Variants in TYMS observed in about 807,000 individuals in gnomAD.
The protein encoded by TYMS is thymidylate synthetase, also known as thymidylate synthase.
A neutral mutation model predicts 39.3 loss-of-function variants in TYMS; 21 were observed. The observed-to-expected ratio is 0.54, with a 90% CI of 0.38 to 0.77. The LOEUF (loss-of-function observed/expected upper bound fraction) is 0.77, where lower values mean the gene tolerates loss of function less well. Ranked by LOEUF, TYMS falls within the 30% of genes least tolerant of loss-of-function variation. The probability of loss-of-function intolerance (pLI) is 0.00; values close to 1 mark genes in which losing one functional copy is unlikely to be tolerated. For missense variants in TYMS, 273 were observed against 406.7 expected (o/e 0.67, Z 2.83); for synonymous variants, 171 against 162.2 (o/e 1.05, Z -0.41).
chr18:670,032 G>GT (rs571782624), intron 4 of TYMS, among the ~76,000 whole-genome samples: 353 of 140,416 alleles, frequency 2.5e-3, no homozygotes, highest in African/African-American at 9.5e-3. Context: ...ACTTGCATCT[G>GT]TAATAGAGAC....
chr18:657,726 C>T lies in TYMS; in HGVS notation c.-17C>T, dbSNP rs1382280915. 2.0e-5 allele frequency: 27 copies of T among 1,334,440 alleles called. No individual in the cohort carries two copies. The highest frequency in any genetic ancestry group is 2.5e-5 in the Non-Finnish European group (26 of 1,050,124). The allele number at this position is 1,334,440 out of a possible 1,614,324, so 82.7% of individuals were successfully genotyped here. A position where few individuals can be genotyped will look rare whatever the true frequency, so the allele number is the denominator to read the frequency against. On this transcript the variant is annotated 5_prime_UTR_variant, in exon 1 of 7. Transcript: ENST00000323274. ...GCCGCGCCACTTCGCCTGCCTCCGT[C>T]CCCCGCCCGCCGCGCCATGCCTGTG...
intron 6 of TYMS, chr18:672,615 A>C (rs1049992462): frequency 3.0e-5 from 10 of 336,516 alleles, no homozygotes; most frequent in Non-Finnish European, 4.9e-5. Flanking sequence ...CTTACACCTG[A>C]TGAGGCACCA....
In TYMS at chr18:658,039, C is replaced by G. The variant is rs769439371; in HGVS notation, c.205+92C>G. On this transcript the variant is annotated intron_variant, in intron 1 of 6. Coordinates refer to ENST00000323274, the MANE Select transcript of TYMS (RefSeq NM_001071.4). This position sits in a 1 kb window ranked among gnomAD's most constrained non-coding sequence, Gnocchi z 4.5. Reference sequence around the variant, plus strand: ...GGGAGCTGCCGGGCGCTGCGGACCCCGTTTAGTCCTAACCTCAATCCTGCG... The same window carrying G: ...GGGAGCTGCCGGGCGCTGCGGACCCGGTTTAGTCCTAACCTCAATCCTGCG... The G allele has an allele frequency of 6.4e-7, 1 of 1,551,606 alleles. No homozygotes were observed. The highest frequency in any genetic ancestry group is 8.7e-7 in the Non-Finnish European group (1 of 1,150,688).
At position 658,472 on chromosome 18, in the gene TYMS, C is replaced by T. The variant is rs1284609680; in HGVS notation, c.205+525C>T. On this transcript the variant is annotated intron_variant, in intron 1 of 6. Coordinates refer to ENST00000323274, the MANE Select transcript of TYMS (RefSeq NM_001071.4). This position sits in a 1 kb window ranked among gnomAD's most constrained non-coding sequence, Gnocchi z 4.5. ...CGGGAACTTGGTTTCCTGGTGGCCT[C>T]CCATCCAATCCCCACGAACCAGCTT... The T allele has an allele frequency of 2.1e-6, 1 of 469,552 alleles. No individual in the cohort carries two copies. Among genetic ancestry groups the T allele is most frequent in the Admixed American group, 3.9e-5 (1 of 25,618 alleles). The allele number at this position is 469,552 out of a possible 1,614,324, so 29.1% of individuals were successfully genotyped here.
intron 3 of TYMS, among the ~76,000 whole-genome samples, chr18:668,145 G>T (rs539153606): frequency 5.6e-4 from 85 of 151,946 alleles, no homozygotes; most frequent in Non-Finnish European, 9.4e-4. Flanking sequence ...GTGCACTTGT[G>T]TATGTGTGTA....
At chr18:671,785 C>CTTT (rs58489074) in intron 6 of TYMS, 11 of 245,534 alleles carry the variant, frequency 4.5e-5, no homozygotes, top group African/African-American at 1.2e-4. Flanking sequence ...TTTTCCTTTT[C>CTTT]TTTTTTTTTT....
Position 660,212 on chromosome 18 carries a change from A to G in TYMS, c.279+498A>G, listed in dbSNP as rs1314792567. 2.0e-5 allele frequency among the ~76,000 whole-genome samples: 3 copies of G among 152,158 alleles called. No homozygotes were observed. The highest frequency in any genetic ancestry group is 4.4e-5 in the Non-Finnish European group (3 of 68,036). Reference sequence around the variant, plus strand: ...GACCTTAGCTGCTGCTCTCTGCACCAGCCCTGCTGTTCTTGTGAGTTTTTG... The same window carrying G: ...GACCTTAGCTGCTGCTCTCTGCACCGGCCCTGCTGTTCTTGTGAGTTTTTG... On this transcript the variant is annotated intron_variant, in intron 2 of 6. Coordinates refer to ENST00000323274, the MANE Select transcript of TYMS (RefSeq NM_001071.4). This position sits in a 1 kb window ranked among gnomAD's most constrained non-coding sequence, Gnocchi z 4.6.
chr18:666,951 T>TGATGGC (rs2074838395), intron 3 of TYMS, among the ~76,000 whole-genome samples: 1 of 21,312 alleles, frequency 4.7e-5, no homozygotes, highest in African/African-American at 2.0e-4. Flanking sequence ...ATGGTGATGG[T>TGATGGC]GATGGAGATG....
Position 670,679 on chromosome 18 carries a change from G to C in TYMS, c.557-13G>C. 6.2e-7 allele frequency: 1 copy of C among 1,613,192 alleles called. No individual in the cohort carries two copies. Among genetic ancestry groups the C allele is most frequent in the Non-Finnish European group, 8.5e-7 (1 of 1,179,454 alleles). On this transcript the variant is annotated splice_polypyrimidine_tract_variant and intron_variant, in intron 4 of 6. Transcript: ENST00000323274. Reference sequence around the variant, plus strand: ...CCACCATCCCTCCTTATCTTCCTCTGCTGGTTCCTCAGATCTTCCTCTGAT... The same window carrying C: ...CCACCATCCCTCCTTATCTTCCTCTCCTGGTTCCTCAGATCTTCCTCTGAT...
intron 3 of TYMS, chr18:667,890 A>G (rs1279990971): frequency 3.3e-5 from 5 of 151,686 alleles, no homozygotes; most frequent in Admixed American, 6.6e-5. Context: ...GCCTAATAAA[A>G]TTATGGTTTT....
intron 2 of TYMS, 144 bp from the exon 3 acceptor site, chr18:662,002 G>T (rs1598464288): frequency 1.3e-5 from 10 of 779,158 alleles, no homozygotes; most frequent in Non-Finnish European, 1.8e-5. Flanking sequence ...AAAAAGGATG[G>T]GTTCCATATG....
At chr18:669,202 T>C in intron 4 of TYMS, 29 bp downstream of exon 4, 1 of 1,584,712 alleles carries the variant, frequency 6.3e-7, no homozygotes. Flanking sequence ...TCTTCATTTA[T>C]ACTAACCATA....
At chr18:666,417 T>A (rs976452715) in intron 3 of TYMS, among the ~76,000 whole-genome samples, 6 of 152,144 alleles carry the variant, frequency 3.9e-5, no homozygotes, top group African/African-American at 1.2e-4. Flanking sequence ...GGAGAAAGAA[T>A]GAAACATCTC....
rs1484804173 is a variant in TYMS, at chr18:667,601, T to TGATGGTGATGGA, written c.455-1465_455-1454dup. The TGATGGTGATGGA allele has an allele frequency of 3.2e-4, 28 of 86,168 alleles. 10 individuals carry two copies. Among genetic ancestry groups the TGATGGTGATGGA allele is most frequent in the African/African-American group, 1.6e-3 (28 of 18,004 alleles). 5.3% of individuals were successfully genotyped at this position (86,168 alleles called of 1,614,324 possible). A position where few individuals can be genotyped will look rare whatever the true frequency, so the allele number is the denominator to read the frequency against. ...GTGATGGTGATGGTGATGGTGATGG[T>TGATGGTGATGGA]GATGGTGATGGAGATGGGTGATGGT... is the stretch of plus-strand genomic sequence containing the variant. On this transcript the variant is annotated intron_variant, in intron 3 of 6. Coordinates refer to ENST00000323274, the MANE Select transcript of TYMS (RefSeq NM_001071.4).
At position 673,181 on chromosome 18, in the gene TYMS, A is replaced by G; in HGVS notation, c.*184A>G. On this transcript the variant is annotated 3_prime_UTR_variant, in exon 7 of 7. Transcript: ENST00000323274. ...ATGTAACTGTGCCAGTTCTTTCCAT[A>G]ATAAAAGGCTTTGAGTTAACTCACT... The G allele has an allele frequency of 3.6e-6, 2 of 555,530 alleles. No individual in the cohort carries two copies. Among genetic ancestry groups the G allele is most frequent in the Admixed American group, 6.8e-5 (2 of 29,582 alleles). 34.4% of individuals were successfully genotyped at this position (555,530 alleles called of 1,614,324 possible). A position where few individuals can be genotyped will look rare whatever the true frequency, so the allele number is the denominator to read the frequency against.
At position 659,622 on chromosome 18, in the gene TYMS, A is replaced by G. The variant is rs777474008; in HGVS notation, c.206-19A>G. The G allele has an allele frequency of 2.5e-6, 4 of 1,610,920 alleles. No individual in the cohort carries two copies. Among genetic ancestry groups the G allele is most frequent in the Non-Finnish European group, 1.7e-6 (2 of 1,177,064 alleles). ...ATCTGTCTTCCCATCTTGAAACCGTATGGCAAATTGTTTTTCAGATGAATT... is the reference window on the plus strand; with the variant it reads ...ATCTGTCTTCCCATCTTGAAACCGTGTGGCAAATTGTTTTTCAGATGAATT... On this transcript the variant is annotated intron_variant, in intron 1 of 6. Coordinates refer to ENST00000323274, the MANE Select transcript of TYMS (RefSeq NM_001071.4).
At position 673,126 on chromosome 18, in the gene TYMS, A is replaced by T; in HGVS notation, c.*129A>T. Reference sequence around the variant, plus strand: ...AAAATCTGTCCGTGACCTATCAGTTATTAATTTTTAAGGATGTTGCCACTG... The same window carrying T: ...AAAATCTGTCCGTGACCTATCAGTTTTTAATTTTTAAGGATGTTGCCACTG... On this transcript the variant is annotated 3_prime_UTR_variant, in exon 7 of 7. Transcript: ENST00000323274. The T allele has an allele frequency of 9.4e-7, 1 of 1,065,382 alleles. No individual in the cohort carries two copies. 66.0% of individuals were successfully genotyped at this position (1,065,382 alleles called of 1,614,324 possible). A position where few individuals can be genotyped will look rare whatever the true frequency, so the allele number is the denominator to read the frequency against.
At chr18:672,035 C>T (rs12962403) in intron 6 of TYMS, 19,110 of 152,338 alleles carry the variant, frequency 0.13, 1,278 homozygotes, top group Non-Finnish European at 0.15. Flanking sequence ...CTGCCTCAGC[C>T]TCCGAAAATT....
intron 3 of TYMS, among the ~76,000 whole-genome samples, chr18:663,835 G>A (rs562173366): frequency 8.7e-5 from 9 of 103,314 alleles, no homozygotes; most frequent in African/African-American, 4.0e-4. Context: ...GTAGATATGC[G>A]GTGTTATTTC....
Sources: gnomAD v4.1 joint callset for allele counts (sites outside exome capture counted in the v4.1 genomes callset) on GRCh38, gnomAD v4.1.1 for gene constraint, Gnocchi (gnomAD v3.1) non-coding constraint, MANE v1.5 for transcripts, NCBI Gene and HGNC (gene_info 2026-07-23, HGNC 2026-07-21) for gene names.